Variants in P4HA3 observed in about 807,000 individuals in gnomAD.
The protein encoded by P4HA3 is prolyl 4-hydroxylase subunit alpha 3.
A neutral mutation model predicts 66.7 loss-of-function variants in P4HA3; 60 were observed. That is an observed-to-expected ratio of 0.90 (90% CI 0.73 to 1.12). The LOEUF (loss-of-function observed/expected upper bound fraction) is 1.12, where lower values mean the gene tolerates loss of function less well. Among genes scored for constraint, P4HA3 ranks in the 50% most tolerant of loss-of-function variants. The pLI is 0.00. For missense variants in P4HA3, 683 were observed against 685.8 expected (o/e 1.00, Z 0.05); for synonymous variants, 263 against 274.6 (o/e 0.96, Z 0.42).
At chr11:74,274,444 T>G (rs1591095748) in intron 9 of P4HA3, among the ~76,000 whole-genome samples, 2 of 151,858 alleles carry the variant, frequency 1.3e-5, no homozygotes, top group Admixed American at 1.3e-4. Flanking sequence ...TAGCTGGGAC[T>G]ACAGGCGCCT....
intron 4 of P4HA3, among the ~76,000 whole-genome samples, chr11:74,296,330 C>G (rs1444593028): frequency 6.6e-6 from 1 of 152,194 alleles, no homozygotes; most frequent in Non-Finnish European, 1.5e-5. Context: ...CCACTGTACT[C>G]TACCATCTCT....
intron 3 of P4HA3, among the ~76,000 whole-genome samples, chr11:74,299,458 G>A (rs1271568825): frequency 1.3e-5 from 2 of 152,048 alleles, no homozygotes; most frequent in Non-Finnish European, 2.9e-5. Flanking sequence ...TTATTTTTCT[G>A]CACCTCAAGT....
Position 74,311,563 on chromosome 11 carries a change from C to T in P4HA3, c.49G>A (p.Gly17Arg). 1 of 1,539,144 alleles carries T rather than the reference C, an allele frequency of 6.5e-7. No homozygotes were observed. The stretch of plus-strand genomic sequence containing the variant: ...GCAGCCCTTTCTGGGTCTCCTGTCC[C>T]GAGCGCCAGCACCGCCAGCAGCGCC... ...LAALLAVLALGTGDPERAAAR... is the reference protein window; with the variant it reads ...LAALLAVLALRTGDPERAAAR... The change falls in exon 1 of 13, where the codon GGG becomes AGG. Residue 17 changes from glycine to arginine, a missense_variant. Coordinates refer to ENST00000331597, the MANE Select transcript of P4HA3 (RefSeq NM_182904.5).
chr11:74,281,121 A>C (rs1860578199), intron 7 of P4HA3, among the ~76,000 whole-genome samples: 2 of 152,254 alleles, frequency 1.3e-5, no homozygotes. Flanking sequence ...ACACATGAAA[A>C]AATGCTCACC....
intron 15 of P4HA3, among the ~76,000 whole-genome samples, chr11:74,252,103 CTTTTTT>C (rs60650207): frequency 6.0e-5 from 7 of 117,018 alleles, no homozygotes; most frequent in African/African-American, 2.4e-4. Flanking sequence ...TGGAGCAGGG[CTTTTTT>C]TTTTTTTTTT....
chr11:74,293,586 A>G (rs1000383927), intron 4 of P4HA3, among the ~76,000 whole-genome samples: 54 of 152,108 alleles, frequency 3.6e-4, no homozygotes, highest in Admixed American at 1.3e-3. Context: ...GGCTGGTACC[A>G]GTTGTTCCTT....
At chr11:74,264,844 C>T (rs1159068660), downstream of P4HA3, among the ~76,000 whole-genome samples, 1 of 152,230 alleles carries the variant, frequency 6.6e-6, no homozygotes, top group African/African-American at 2.4e-5. Flanking sequence ...CCACAGCACC[C>T]ACTGAGCCCA....
At position 74,302,403 on chromosome 11, in the gene P4HA3, G is replaced by A; in HGVS notation, c.533C>T (p.Ser178Phe). 6.2e-7 allele frequency: 1 copy of A among 1,613,896 alleles called. No homozygotes were observed. Among genetic ancestry groups the A allele is most frequent in the Non-Finnish European group, 8.5e-7 (1 of 1,180,004 alleles). Reference protein sequence around the residue: ...TDLYSPKRLFSLTGDDCFQVG... With the variant: ...TDLYSPKRLFFLTGDDCFQVG... ...TTGGAAGCAGTCATCCCCTGTGAGAGAAAAGAGCCGTTTGGGGCTGTACAG... is the reference window on the plus strand; with the variant it reads ...TTGGAAGCAGTCATCCCCTGTGAGAAAAAAGAGCCGTTTGGGGCTGTACAG... The change falls in exon 3 of 13, where the codon TCT becomes TTT. Residue 178 changes from serine to phenylalanine, a missense_variant. Transcript: ENST00000331597.
chr11:74,251,724 G>A (rs767449324), intron 15 of P4HA3: 2 of 1,613,798 alleles, frequency 1.2e-6, no homozygotes, highest in African/African-American at 2.7e-5. Context: ...TGGTAAGGCG[G>A]GTACAAGGGT....
At chr11:74,276,368 G>A (rs1274159143) in intron 9 of P4HA3, among the ~76,000 whole-genome samples, 1 of 152,100 alleles carries the variant, frequency 6.6e-6, no homozygotes, top group Admixed American at 6.5e-5. Flanking sequence ...CTCAAGACAA[G>A]CCTGGGCAAC....
At chr11:74,255,072 C>T (rs1297138438) in intron 15 of P4HA3, among the ~76,000 whole-genome samples, 2 of 152,222 alleles carry the variant, frequency 1.3e-5, no homozygotes, top group East Asian at 1.9e-4. Flanking sequence ...GTTCCTCCTC[C>T]TGTCTCTCCC....
chr11:74,284,060 C>T lies in P4HA3; in HGVS notation c.1110+1749G>A, dbSNP rs184078255. On this transcript the variant is annotated intron_variant, in intron 7 of 12. Coordinates refer to ENST00000331597, the MANE Select transcript of P4HA3 (RefSeq NM_182904.5). ...CACACAGTGGGCTCTATTCTGTTGACGAATGACTAATGGCTGCCTGGATGA... is the reference window on the plus strand; with the variant it reads ...CACACAGTGGGCTCTATTCTGTTGATGAATGACTAATGGCTGCCTGGATGA... 3.2e-3 allele frequency among the ~76,000 whole-genome samples: 490 copies of T among 152,368 alleles called. 3 individuals are homozygous for T. The Middle Eastern group carries it at 0.034, about 11-fold the overall frequency.
At chr11:74,255,044 C>G (rs1366849082) in intron 15 of P4HA3, among the ~76,000 whole-genome samples, 1 of 152,180 alleles carries the variant, frequency 6.6e-6, no homozygotes, top group Non-Finnish European at 1.5e-5. Context: ...TTCCTGAGCT[C>G]TGAACAGGTA....
At chr11:74,284,942 G>A (rs948612117) in intron 7 of P4HA3, among the ~76,000 whole-genome samples, 5 of 152,186 alleles carry the variant, frequency 3.3e-5, no homozygotes, top group Middle Eastern at 6.8e-3. Context: ...CTGCACCTTC[G>A]TTGGGCCCGC....
rs200356109 is a variant in P4HA3 at position 74,269,606 on chromosome 11, G to A, written c.1467+46C>T. ...ACAGCGTGAAGGTTAGAGGGTAAGCGCTGCACTCCCTCAACCCCGTCTTCT... is the reference window on the plus strand; with the variant it reads ...ACAGCGTGAAGGTTAGAGGGTAAGCACTGCACTCCCTCAACCCCGTCTTCT... On this transcript the variant is annotated intron_variant, in intron 11 of 12. Coordinates refer to ENST00000331597, the MANE Select transcript of P4HA3 (RefSeq NM_182904.5). 111 of 1,574,824 alleles carry A rather than the reference G, an allele frequency of 7.0e-5. 2 individuals are homozygous for A. The African/African-American group carries it at 1.3e-3, about 18-fold the overall frequency.
intron 4 of P4HA3, among the ~76,000 whole-genome samples, chr11:74,290,798 G>A (rs1860992602): frequency 1.3e-5 from 2 of 152,104 alleles, no homozygotes; most frequent in Admixed American, 6.6e-5. Context: ...TGTTCCATTG[G>A]TCTATATCTC....
chr11:74,299,579 T>C lies in P4HA3; in HGVS notation c.568-1218A>G, dbSNP rs1861336088. 2.0e-5 allele frequency among the ~76,000 whole-genome samples: 3 copies of C among 151,504 alleles called. No individual in the cohort carries two copies. In the South Asian group the frequency reaches 6.2e-4, roughly 31 times the overall value. On this transcript the variant is annotated intron_variant, in intron 3 of 12. Coordinates refer to ENST00000331597, the MANE Select transcript of P4HA3 (RefSeq NM_182904.5). ...TGAGTAACTTCAAGTCCCAGCAATA[T>C]GGTAGACTGAAACAACTGGAATCCT...
intron 5 of P4HA3, among the ~76,000 whole-genome samples, chr11:74,286,880 C>T (rs1208923070): frequency 6.6e-6 from 1 of 152,184 alleles, no homozygotes; most frequent in Admixed American, 6.5e-5. Context: ...ATGATAAGTG[C>T]AATGAAAGAG....
intron 12 of P4HA3, among the ~76,000 whole-genome samples, chr11:74,267,854 T>C (rs1292479871): frequency 1.3e-5 from 2 of 152,132 alleles, no homozygotes; most frequent in Non-Finnish European, 2.9e-5. Context: ...TTCCTTGGGG[T>C]AGAGTGTGGA....
Sources: gnomAD v4.1 joint callset for allele counts (sites outside exome capture counted in the v4.1 genomes callset) on GRCh38, gnomAD v4.1.1 for gene constraint, MANE v1.5 for transcripts, NCBI Gene and HGNC (gene_info 2026-07-23, HGNC 2026-07-21) for gene names.